The following ANGPT2 variants were observed in gnomAD, a reference collection of about 807,000 sequenced individuals.
ANGPT2 encodes the protein angiopoietin 2.
ANGPT2 carries 28 observed loss-of-function variants against 62.9 expected under a neutral mutation model. The observed-to-expected ratio is 0.44, with a 90% CI of 0.33 to 0.61. The LOEUF (loss-of-function observed/expected upper bound fraction) is 0.61. ANGPT2 is among the 20% of genes least tolerant of loss of function. ANGPT2 has a pLI of 0.03. For missense variants in ANGPT2, 727 were observed against 594.9 expected, an observed-to-expected ratio of 1.22 and a Z score of -2.31; for synonymous variants, 284 against 207.8, an observed-to-expected ratio of 1.37 and a Z score of -3.15.
At chr8:6,508,644 C>T (rs1475827744) in intron 8 of ANGPT2, 7 of 576,236 alleles carry the variant, frequency 1.2e-5, no homozygotes, top group South Asian at 2.4e-5. Flanking sequence ...CCAGCAAGCA[C>T]AAACGCAGGA....
intron 1 of ANGPT2, among the ~76,000 whole-genome samples, chr8:6,535,564 T>C (rs1243936458): frequency 6.6e-6 from 1 of 152,228 alleles, no homozygotes; most frequent in African/African-American, 2.4e-5. Context: ...ATGATGTGTG[T>C]ATATACAGAT....
intron 6 of ANGPT2, among the ~76,000 whole-genome samples, chr8:6,514,440 C>T (rs1352107913): frequency 3.3e-5 from 5 of 152,154 alleles, no homozygotes; most frequent in Admixed American, 1.3e-4. Context: ...CCATCTGCCT[C>T]GGCCTCCCAA....
intron 1 of ANGPT2, among the ~76,000 whole-genome samples, chr8:6,559,154 C>A (rs945553908): frequency 6.6e-6 from 1 of 151,978 alleles, no homozygotes; most frequent in African/African-American, 2.4e-5. Context: ...TTTCTTTCCT[C>A]TAATGAACCA....
At chr8:6,561,990 CG>C (rs1825613343) in intron 1 of ANGPT2, among the ~76,000 whole-genome samples, 2 of 152,164 alleles carry the variant, frequency 1.3e-5, no homozygotes, top group Non-Finnish European at 2.9e-5. Flanking sequence ...CTGGAACTGA[CG>C]GGGGCTGCAG....
chr8:6,505,497 ATATATGTATATATAGAATATATATT>A lies in ANGPT2; in HGVS notation c.1328-2261_1328-2237del, dbSNP rs1563307495. Among the ~76,000 whole-genome samples the A allele has an allele frequency of 1.8e-3, 6 of 3,338 alleles. 2 individuals are homozygous for A. Among genetic ancestry groups the A allele is most frequent in the South Asian group, 0.023 (1 of 44 alleles). The allele number at this position is 3,338 out of a possible 152,430, so 2.2% of individuals were successfully genotyped here. ...CATATATAGAATATATATATTCTTT[ATATATGTATATATAGAATATATATT>A]CTTTATATATGTATATATAGAATAT... On this transcript the variant is annotated intron_variant, in intron 8 of 8. Transcript: ENST00000629816.
At chr8:6,513,355 C>A (rs981162820) in intron 7 of ANGPT2, among the ~76,000 whole-genome samples, 6 of 142,532 alleles carry the variant, frequency 4.2e-5, no homozygotes, top group Non-Finnish European at 9.0e-5. Context: ...TTTTTTGAGA[C>A]GGAGTCTTGC....
chr8:6,536,964 T>G, intron 1 of ANGPT2, among the ~76,000 whole-genome samples: 1 of 142,924 alleles, frequency 7.0e-6, no homozygotes, highest in African/African-American at 2.7e-5. Context: ...AAGGAAGTCT[T>G]AGTACAAGAA....
Position 6,521,374 on chromosome 8 carries a change from C to A in ANGPT2, c.603G>T (p.Lys201Asn), listed in dbSNP as rs1393795288. 6.2e-7 allele frequency: 1 copy of A among 1,613,434 alleles called. No homozygotes were observed. The highest frequency in any genetic ancestry group is 1.3e-5 in the African/African-American group (1 of 75,006). ...TTATTGACTGTAGTTGGATGATGTG[C>A]TTGTCTTCCATAGCTAGCACCTTCT... ...LEKKVLAMED[K>N]HIIQLQSIKE... is the part of the protein sequence containing the mutation. Residue 201 changes from lysine to asparagine, a missense_variant, in exon 4 of 9, where the codon AAG becomes AAT. Coordinates refer to ENST00000629816, the MANE Select transcript of ANGPT2 (RefSeq NM_001118887.2).
rs781086750 is a variant in ANGPT2, at chr8:6,503,155, G to A, written c.1434C>T (p.Gly478=). 6.2e-7 allele frequency: 1 copy of A among 1,614,078 alleles called. No homozygotes were observed. The highest frequency in any genetic ancestry group is 2.2e-5 in the East Asian group (1 of 44,896). ...FNGIKWYYWK[G]SGYSLKATTM... The stretch of plus-strand genomic sequence containing the variant: ...TTGTGGCCTTGAGCGAATAGCCTGA[G>A]CCTTTCCAGTAGTACCATTTAATGC... Residue 478 remains glycine, a synonymous_variant, in exon 9 of 9, where the codon GGC becomes GGT. Coordinates refer to ENST00000629816, the MANE Select transcript of ANGPT2 (RefSeq NM_001118887.2).
At position 6,512,427 on chromosome 8, in the gene ANGPT2, G is replaced by C. The variant is rs530197468; in HGVS notation, c.1196+1251C>G. ...ATGAAGACGAGACTGTAGGTCAGAT[G>C]ATGACTGTTTTTGTGATGTTCGTGT... On this transcript the variant is annotated intron_variant, in intron 7 of 8. Transcript: ENST00000629816. 3.3e-5 allele frequency among the ~76,000 whole-genome samples: 5 copies of C among 152,278 alleles called. No homozygotes were observed. The East Asian group carries it at 7.7e-4, about 24-fold the overall frequency.
rs539874305 is a variant in ANGPT2, at chr8:6,531,758, C to A, written c.444+574G>T. Among the ~76,000 whole-genome samples the A allele has an allele frequency of 3.5e-4, 53 of 151,534 alleles. No homozygotes were observed. The South Asian group carries it at 7.7e-3, about 22-fold the overall frequency. ...TGTGATGCATTTATTTGGTTAGTGGCGGACCTGGAGCCATGGCAGCGCTCA... is the reference window on the plus strand; with the variant it reads ...TGTGATGCATTTATTTGGTTAGTGGAGGACCTGGAGCCATGGCAGCGCTCA... On this transcript the variant is annotated intron_variant, in intron 2 of 8. Coordinates refer to ENST00000629816, the MANE Select transcript of ANGPT2 (RefSeq NM_001118887.2).
chr8:6,524,714 C>G (rs924339029), intron 3 of ANGPT2, among the ~76,000 whole-genome samples: 1 of 152,140 alleles, frequency 6.6e-6, no homozygotes, highest in Non-Finnish European at 1.5e-5. Context: ...CATCATCAAG[C>G]TAAAAAGACA....
intron 2 of ANGPT2, among the ~76,000 whole-genome samples, chr8:6,529,398 A>C (rs903322325): frequency 2.0e-5 from 3 of 152,086 alleles, no homozygotes; most frequent in African/African-American, 7.2e-5. Context: ...ACCTTCAAAC[A>C]GAGTGGGTAC....
intron 1 of ANGPT2, among the ~76,000 whole-genome samples, chr8:6,534,386 G>A (rs1401505462): frequency 1.3e-5 from 2 of 152,124 alleles, no homozygotes; most frequent in African/African-American, 4.8e-5. Context: ...GAAGAGGCTT[G>A]AGCACCGTGG....
intron 1 of ANGPT2, among the ~76,000 whole-genome samples, chr8:6,546,857 A>T (rs1456308587): frequency 6.6e-6 from 1 of 152,234 alleles, no homozygotes; most frequent in East Asian, 1.9e-4. Context: ...TAAGTCAAAA[A>T]GAACTAATAA....
chr8:6,508,829 G>T, intron 8 of ANGPT2, 103 bp downstream of exon 8: 1 of 1,496,118 alleles, frequency 6.7e-7, no homozygotes, highest in Non-Finnish European at 9.3e-7. Context: ...ATGAAATTGT[G>T]GACATCGTTA....
chr8:6,533,569 C>CTTTTTTTTTTTT (rs56882906), intron 1 of ANGPT2, among the ~76,000 whole-genome samples: 3 of 113,350 alleles, frequency 2.6e-5, no homozygotes, highest in Non-Finnish European at 3.5e-5. Flanking sequence ...CGTTTAGTTT[C>CTTTTTTTTTTTT]TTTTTTTTTT....
chr8:6,526,409 G>C (rs1007142935), intron 3 of ANGPT2, among the ~76,000 whole-genome samples: 4 of 151,722 alleles, frequency 2.6e-5, no homozygotes, highest in African/African-American at 4.8e-5. Context: ...ACTCCAGCCA[G>C]GGCAACCAGA....
At chr8:6,509,829 CAG>C (rs1814606155) in intron 7 of ANGPT2, among the ~76,000 whole-genome samples, 1 of 152,198 alleles carries the variant, frequency 6.6e-6, no homozygotes, top group Non-Finnish European at 1.5e-5. Flanking sequence ...CACAGTCAGA[CAG>C]AGCCATTTGG....
Sources: gnomAD v4.1 joint callset for allele counts (sites outside exome capture counted in the v4.1 genomes callset) on GRCh38, gnomAD v4.1.1 for gene constraint, MANE v1.5 for transcripts, NCBI Gene and HGNC (gene_info 2026-07-23, HGNC 2026-07-21) for gene names.